Variants in HRH4 observed in about 807,000 individuals in gnomAD.
HRH4 encodes the protein histamine H4 receptor.
Under a neutral mutation model 10.4 loss-of-function variants are expected in HRH4, and 12 were observed. The observed-to-expected ratio is 1.15, with a 90% CI of 0.74 to 1.87. The LOEUF is 1.87. HRH4 is among the 40% of genes most tolerant of loss of function. The pLI, the probability that HRH4 is intolerant of heterozygous loss-of-function variation, is 0.00. For missense variants in HRH4, 415 were observed against 453.3 expected (o/e 0.92, Z 0.77); for synonymous variants, 154 against 166.6 (o/e 0.92, Z 0.58).
intron 2 of HRH4, among the ~76,000 whole-genome samples, chr18:24,470,898 C>A (rs1327796448): frequency 6.8e-6 from 1 of 146,414 alleles, no homozygotes; most frequent in Non-Finnish European, 1.5e-5. Context: ...ATACTAGATT[C>A]TAGGAAAGGG....
At chr18:24,470,032 C>A (rs1032029637) in intron 2 of HRH4, among the ~76,000 whole-genome samples, 1 of 152,072 alleles carries the variant, frequency 6.6e-6, no homozygotes, top group Non-Finnish European at 1.5e-5. Flanking sequence ...CGGTTCAGTA[C>A]AATGGACTAA....
intron 1 of HRH4, among the ~76,000 whole-genome samples, chr18:24,465,412 A>AT (rs1296275541): frequency 2.0e-5 from 3 of 152,128 alleles, no homozygotes; most frequent in African/African-American, 4.8e-5. Context: ...TGGGTGGTGC[A>AT]TTGGAGGCCA....
In HRH4 at chr18:24,476,800, G is replaced by C. The variant is rs1406327452; in HGVS notation, c.411G>C (p.Val137=). The C allele has an allele frequency of 1.9e-6, 3 of 1,614,176 alleles. No individual in the cohort carries two copies. In the South Asian group the frequency reaches 3.3e-5, roughly 18 times the overall value. Residue 137 remains valine, a synonymous_variant, in exon 3 of 3, where the codon GTG becomes GTC. Transcript: ENST00000256906. The part of the protein sequence containing the change: ...TGVLKIVTLM[V]AVWVLAFLVN... ...TCTTGAAGATTGTTACTCTGATGGT[G>C]GCCGTTTGGGTGCTGGCCTTCTTAG...
chr18:24,473,106 G>A (rs999194962), intron 2 of HRH4, among the ~76,000 whole-genome samples: 1 of 152,030 alleles, frequency 6.6e-6, no homozygotes, highest in Non-Finnish European at 1.5e-5. Flanking sequence ...AGTGAGCCAA[G>A]ATCGCACCAC....
intron 2 of HRH4, among the ~76,000 whole-genome samples, chr18:24,471,606 C>CAAAAAAA (rs60730879): frequency 1.7e-3 from 87 of 51,388 alleles, no homozygotes; most frequent in African/African-American, 3.7e-3. Context: ...GACTCCATCT[C>CAAAAAAA]AAAAAAAAAA....
chr18:24,470,928 AT>A (rs34845198), intron 2 of HRH4, among the ~76,000 whole-genome samples: 21,104 of 140,300 alleles, frequency 0.15, 1,556 homozygotes, highest in Middle Eastern at 0.2. Flanking sequence ...AGAGCAAGGG[AT>A]TTTTTTTTTT....
At chr18:24,471,747 A>G (rs1909969795) in intron 2 of HRH4, among the ~76,000 whole-genome samples, 3 of 152,144 alleles carry the variant, frequency 2.0e-5, no homozygotes. Flanking sequence ...GTGATATACA[A>G]TATAATTTTA....
intron 1 of HRH4, among the ~76,000 whole-genome samples, chr18:24,463,438 C>A (rs1027581017): frequency 6.6e-6 from 1 of 152,172 alleles, no homozygotes; most frequent in South Asian, 2.1e-4. Context: ...TAACAGGATT[C>A]AAGTTTTCTG....
intron 2 of HRH4, among the ~76,000 whole-genome samples, chr18:24,469,921 C>A (rs1179909466): frequency 1.3e-5 from 2 of 152,096 alleles, no homozygotes; most frequent in Non-Finnish European, 2.9e-5. Flanking sequence ...TCCCACCCAC[C>A]ACCCTCAGGT....
intron 1 of HRH4, among the ~76,000 whole-genome samples, chr18:24,465,573 A>G (rs934483085): frequency 2.0e-5 from 3 of 152,216 alleles, no homozygotes; most frequent in Non-Finnish European, 4.4e-5. Context: ...ACCCAAAAAC[A>G]CAATTCCAGA....
chr18:24,471,642 A>G (rs1012456054), intron 2 of HRH4, among the ~76,000 whole-genome samples: 3 of 150,016 alleles, frequency 2.0e-5, no homozygotes, highest in East Asian at 1.9e-4. Flanking sequence ...AAGAAATGTA[A>G]TAGAACAAAA....
intron 2 of HRH4, among the ~76,000 whole-genome samples, chr18:24,474,474 A>T (rs1186020265): frequency 6.6e-6 from 1 of 152,188 alleles, no homozygotes; most frequent in East Asian, 1.9e-4. Context: ...AGCCTGTAGG[A>T]TCCATCAAAG....
intron 1 of HRH4, among the ~76,000 whole-genome samples, chr18:24,467,588 G>A (rs905187663): frequency 6.6e-6 from 1 of 152,086 alleles, no homozygotes; most frequent in East Asian, 1.9e-4. Flanking sequence ...CTGTCACCCA[G>A]GATGGAGTGC....
chr18:24,467,758 G>A, intron 1 of HRH4, among the ~76,000 whole-genome samples: 1 of 152,086 alleles, frequency 6.6e-6, no homozygotes, highest in East Asian at 1.9e-4. Context: ...TGGGCAGGCT[G>A]GTCTTGAACT....
intron 2 of HRH4, among the ~76,000 whole-genome samples, chr18:24,472,557 C>T (rs75495612): frequency 0.037 from 5,644 of 152,134 alleles, 172 homozygotes; most frequent in African/African-American, 0.072. Flanking sequence ...CAAATGCAGC[C>T]GTGTGAAAAC....
rs1159616683 is a variant in HRH4, at chr18:24,476,790, C to T, written c.401C>T (p.Thr134Ile). The T allele has an allele frequency of 6.2e-7, 1 of 1,614,188 alleles. No individual in the cohort carries two copies. The highest frequency in any genetic ancestry group is 8.5e-7 in the Non-Finnish European group (1 of 1,180,040). The part of the protein sequence containing the change: ...TQHTGVLKIV[T>I]LMVAVWVLAF... The stretch of plus-strand genomic sequence containing the variant: ...CATACTGGGGTCTTGAAGATTGTTA[C>T]TCTGATGGTGGCCGTTTGGGTGCTG... The change falls in exon 3 of 3, where the codon ACT becomes ATT. Residue 134 changes from threonine to isoleucine, a missense_variant. Coordinates refer to ENST00000256906, the MANE Select transcript of HRH4 (RefSeq NM_021624.4).
At chr18:24,472,508 G>T (rs953021858) in intron 2 of HRH4, among the ~76,000 whole-genome samples, 3 of 152,200 alleles carry the variant, frequency 2.0e-5, no homozygotes, top group African/African-American at 4.8e-5. Flanking sequence ...GCTGGCAGGG[G>T]TGCTCAGGCA....
At chr18:24,472,707 A>G (rs1049075903) in intron 2 of HRH4, among the ~76,000 whole-genome samples, 2 of 152,124 alleles carry the variant, frequency 1.3e-5, no homozygotes, top group Admixed American at 6.5e-5. Flanking sequence ...TCTGACAATA[A>G]TTTGGAAAAG....
At position 24,479,928 on chromosome 18, in the gene HRH4, A is replaced by C. The variant is rs1910263198; in HGVS notation, c.*2366A>C. The C allele has an allele frequency of 6.6e-6, 1 of 152,176 alleles. No homozygotes were observed. Among genetic ancestry groups the C allele is most frequent in the South Asian group, 2.1e-4 (1 of 4,830 alleles). 9.4% of individuals were successfully genotyped at this position (152,176 alleles called of 1,614,324 possible). On this transcript the variant is annotated 3_prime_UTR_variant, in exon 3 of 3. Transcript: ENST00000256906. Reference sequence around the variant, plus strand: ...GTTTAACATTCAATAATAATTTTAAAAATTTGAGAAATAAACTCTCATAAA... The same window carrying C: ...GTTTAACATTCAATAATAATTTTAACAATTTGAGAAATAAACTCTCATAAA...
Sources: gnomAD v4.1 joint callset for allele counts (sites outside exome capture counted in the v4.1 genomes callset) on GRCh38, gnomAD v4.1.1 for gene constraint, MANE v1.5 for transcripts, NCBI Gene and HGNC (gene_info 2026-07-23, HGNC 2026-07-21) for gene names.